The following PBK variants were observed in gnomAD, a reference collection of about 807,000 sequenced individuals.
PBK encodes lymphokine-activated killer T-cell-originated protein kinase.
In PBK, 22 loss-of-function variants were observed where a neutral mutation model predicts 33.5. The observed-to-expected ratio is 0.66, with a 90% confidence interval of 0.47 to 0.94. The LOEUF (loss-of-function observed/expected upper bound fraction) is 0.94. PBK is among the 40% of genes least tolerant of loss of function. The pLI, the probability that PBK is intolerant of heterozygous loss-of-function variation, is 0.00. For synonymous variants in PBK, 129 were observed against 123.8 expected (o/e 1.04, Z -0.28); for missense variants, 376 against 383.4 (o/e 0.98, Z 0.16).
At chr8:27,823,702 T>C (rs1395322743) in intron 3 of PBK, among the ~76,000 whole-genome samples, 8 of 152,092 alleles carry the variant, frequency 5.3e-5, no homozygotes, top group African/African-American at 1.9e-4. Flanking sequence ...CTTATACCTT[T>C]TACCACATGC....
intron 6 of PBK, among the ~76,000 whole-genome samples, chr8:27,816,343 C>CTTATATATATATATATATATATATA (rs1554559818): frequency 1.2e-4 from 16 of 136,304 alleles, no homozygotes; most frequent in African/African-American, 4.7e-4. Context: ...TCATCGAATA[C>CTTATATATATATATATATATATATA]TATATATATA....
rs865824884 is a variant in PBK, at chr8:27,833,109, T to C, written c.5A>G (p.Glu2Gly). The change falls in exon 2 of 8, where the codon GAA becomes GGA. Residue 2 changes from glutamate to glycine, a missense_variant. Transcript: ENST00000301905. ...TGGTGTCTTGAAATTACTGATCCCT[T>C]CCATTGTGAAAGCCACTCTCAGTCC... M[E>G]GISNFKTPSK... 1.9e-6 allele frequency: 3 copies of C among 1,594,914 alleles called. No homozygotes were observed. Among genetic ancestry groups the C allele is most frequent in the Admixed American group, 3.6e-5 (2 of 56,226 alleles).
intron 2 of PBK, among the ~76,000 whole-genome samples, chr8:27,830,320 A>T (rs558305815): frequency 1.2e-4 from 19 of 152,204 alleles, no homozygotes; most frequent in Non-Finnish European, 2.6e-4. Context: ...TAACGGAAAA[A>T]AAAAGACAAA....
At position 27,828,146 on chromosome 8, in the gene PBK, C is replaced by G. The variant is rs55973425; in HGVS notation, c.111G>C (p.Lys37Asn). 6.3e-7 allele frequency: 1 copy of G among 1,590,188 alleles called. No homozygotes were observed. The highest frequency in any genetic ancestry group is 8.6e-7 in the Non-Finnish European group (1 of 1,159,848). Reference protein sequence around the residue: ...INIPASPFMQKLGFGTGVNVY... With the variant: ...INIPASPFMQNLGFGTGVNVY... ...CATTTACCCCAGTACCAAAGCCAAG[C>G]TTCTGCATAAACGGAGAGGCCGGGA... The change falls in exon 3 of 8, where the codon AAG becomes AAC. Residue 37 changes from lysine to asparagine, a missense_variant. Physicochemically the swap from Lys to Asn is moderately conservative, Grantham distance 94. Transcript: ENST00000301905.
chr8:27,834,889 C>G (rs1585437971), intron 1 of PBK, among the ~76,000 whole-genome samples: 1 of 150,648 alleles, frequency 6.6e-6, no homozygotes, highest in South Asian at 2.1e-4. Flanking sequence ...GAGCAAGATT[C>G]CATCTCAAAA....
At chr8:27,817,146 G>A (rs535492473) in intron 6 of PBK, among the ~76,000 whole-genome samples, 1 of 152,122 alleles carries the variant, frequency 6.6e-6, no homozygotes, top group East Asian at 1.9e-4. Flanking sequence ...CCAGGTAAAG[G>A]AGCTGCCAAC....
intron 2 of PBK, among the ~76,000 whole-genome samples, chr8:27,828,987 G>A (rs1176771665): frequency 2.0e-5 from 3 of 152,092 alleles, no homozygotes; most frequent in Admixed American, 6.5e-5. Context: ...ACTGCTTGAA[G>A]GCAGTTTCCA....
rs751746598 is a variant in PBK, at chr8:27,810,978, GA to G, written c.751del (p.Ser251GlnfsTer43). 30 of 1,601,550 alleles carry G rather than the reference GA, an allele frequency of 1.9e-5. No homozygotes were observed. The highest frequency in any genetic ancestry group is 2.4e-5 in the Non-Finnish European group (28 of 1,169,048). On this transcript the variant is annotated frameshift_variant, in exon 7 of 8. Transcript: ENST00000301905. LOFTEE classifies it high-confidence loss of function. ...MTLSIPHINL[S>X]NDDDDEDKTF... ...CATACCTTCATCATCATCATCATTT[GA>G]AAGATTAATGTGTGGAATCGATAAA...
At chr8:27,816,378 TTTTA>T (rs1563489353) in intron 6 of PBK, among the ~76,000 whole-genome samples, 5 of 144,978 alleles carry the variant, frequency 3.4e-5, no homozygotes, top group East Asian at 2.0e-4. Context: ...TATTTATTTA[TTTTA>T]ATTTATTTTT....
Position 27,828,007 on chromosome 8 carries a change from G to A in PBK, c.152+98C>T, listed in dbSNP as rs112230921. ...CAGCCAGGATCAGGAGCAGACAACC[G>A]AATCTAAATACTGGAATTTTCAGAC... is the stretch of plus-strand genomic sequence containing the variant. On this transcript the variant is annotated intron_variant, in intron 3 of 7. Transcript: ENST00000301905. 2,224 of 631,136 alleles carry A rather than the reference G, an allele frequency of 3.5e-3. 25 individuals are homozygous for A. Among genetic ancestry groups the A allele is most frequent in the African/African-American group, 0.034 (1,841 of 54,866 alleles). The allele number at this position is 631,136 out of a possible 1,614,324, so 39.1% of individuals were successfully genotyped here. A position where few individuals can be genotyped will look rare whatever the true frequency, so the allele number is the denominator to read the frequency against.
At chr8:27,828,404 T>A (rs1162379476) in intron 2 of PBK, among the ~76,000 whole-genome samples, 1 of 152,152 alleles carries the variant, frequency 6.6e-6, no homozygotes, top group Non-Finnish European at 1.5e-5. Flanking sequence ...AAGCAGAGAT[T>A]GGGAAATGGC....
intron 4 of PBK, 28 bp downstream of exon 4, chr8:27,823,035 C>T (rs1172433464): frequency 1.3e-6 from 2 of 1,482,624 alleles, no homozygotes; most frequent in Admixed American, 3.5e-5. Flanking sequence ...AATAATATAC[C>T]AGATACTGCT....
chr8:27,825,474 T>C (rs1044786387), intron 3 of PBK, among the ~76,000 whole-genome samples: 2 of 152,092 alleles, frequency 1.3e-5, no homozygotes, highest in Non-Finnish European at 2.9e-5. Context: ...GACTCGTAGA[T>C]ACCCTCCTTA....
intron 6 of PBK, among the ~76,000 whole-genome samples, chr8:27,813,291 G>A (rs1211950047): frequency 6.6e-6 from 1 of 152,106 alleles, no homozygotes; most frequent in Non-Finnish European, 1.5e-5. Flanking sequence ...ACACAGGGTG[G>A]GGAACATCAC....
At chr8:27,833,745 C>G (rs1806175762) in intron 1 of PBK, among the ~76,000 whole-genome samples, 1 of 151,278 alleles carries the variant, frequency 6.6e-6, no homozygotes, top group African/African-American at 2.4e-5. Flanking sequence ...AAAAAGTAAA[C>G]AGTATGTCTC....
At chr8:27,815,416 T>C (rs752090982) in intron 6 of PBK, among the ~76,000 whole-genome samples, 1 of 152,232 alleles carries the variant, frequency 6.6e-6, no homozygotes, top group African/African-American at 2.4e-5. Flanking sequence ...TACTTAGTTC[T>C]GCTTTGGGCA....
In PBK at chr8:27,810,249, A is replaced by G; in HGVS notation, c.*56T>C. Reference sequence around the variant, plus strand: ...TAATAACTACTGATAGTAACTATGTAAATATTTTGGAATAAACAGTTATTT... The same window carrying G: ...TAATAACTACTGATAGTAACTATGTGAATATTTTGGAATAAACAGTTATTT... On this transcript the variant is annotated 3_prime_UTR_variant, in exon 8 of 8. Transcript: ENST00000301905. 8.4e-7 allele frequency: 1 copy of G among 1,193,128 alleles called. No homozygotes were observed. Among genetic ancestry groups the G allele is most frequent in the East Asian group, 2.3e-5 (1 of 42,826 alleles). 73.9% of individuals were successfully genotyped at this position (1,193,128 alleles called of 1,614,324 possible).
At chr8:27,831,535 TG>T (rs1806130305) in intron 2 of PBK, among the ~76,000 whole-genome samples, 1 of 151,772 alleles carries the variant, frequency 6.6e-6, no homozygotes, top group East Asian at 1.9e-4. Flanking sequence ...AGAATATCAT[TG>T]ACATTTGTAG....
Position 27,810,962 on chromosome 8 carries a change from A to C in PBK, c.768T>G (p.Asp256Glu), listed in dbSNP as rs765961447. 5.3e-6 allele frequency: 8 copies of C among 1,497,510 alleles called. No individual in the cohort carries two copies. Among genetic ancestry groups the C allele is most frequent in the Non-Finnish European group, 6.5e-6 (7 of 1,076,286 alleles). 92.8% of individuals were successfully genotyped at this position (1,497,510 alleles called of 1,614,324 possible). A position where few individuals can be genotyped will look rare whatever the true frequency, so the allele number is the denominator to read the frequency against. Residue 256 changes from aspartate (D) to glutamate (E), a missense_variant, in exon 7 of 8, where the codon GAT becomes GAG. By Grantham distance (45) the Asp-to-Glu change is conservative. Transcript: ENST00000301905. ...PHINLSNDDDDEDKTFDESDF... is the reference protein window; with the variant it reads ...PHINLSNDDDEEDKTFDESDF... Reference sequence around the variant, plus strand: ...TGTTAGAAATTGTATTCATACCTTCATCATCATCATCATTTGAAAGATTAA... The same window carrying C: ...TGTTAGAAATTGTATTCATACCTTCCTCATCATCATCATTTGAAAGATTAA...
Sources: gnomAD v4.1 joint callset for allele counts (sites outside exome capture counted in the v4.1 genomes callset) on GRCh38, gnomAD v4.1.1 for gene constraint, MANE v1.5 for transcripts, NCBI Gene and HGNC (gene_info 2026-07-23, HGNC 2026-07-21) for gene names.